ELF1: variants seen among roughly 807,000 people sequenced by gnomAD.
The protein encoded by ELF1 is ETS-related transcription factor Elf-1.
Under a neutral mutation model 59.9 loss-of-function variants are expected in ELF1, and 24 were observed. The observed-to-expected ratio is 0.40, with a 90% CI of 0.29 to 0.56. The LOEUF is 0.56. Among genes scored for constraint, ELF1 ranks in the 20% least tolerant of loss-of-function variants. The probability of loss-of-function intolerance (pLI) is 0.44; values close to 1 mark genes in which losing one functional copy is unlikely to be tolerated. For missense variants in ELF1, 627 were observed against 742.2 expected, an observed-to-expected ratio of 0.84 and a Z score of 1.80; for synonymous variants, 248 against 266.2, an observed-to-expected ratio of 0.93 and a Z score of 0.67.
chr13:40,986,152 T>TA (rs1377301374), intron 1 of ELF1, among the ~76,000 whole-genome samples: 3 of 152,184 alleles, frequency 2.0e-5, no homozygotes, highest in African/African-American at 7.2e-5. Context: ...GCTTTGGAGT[T>TA]AAAGTAAAAT....
intron 3 of ELF1, among the ~76,000 whole-genome samples, chr13:40,954,329 AGGT>A (rs1871057146): frequency 6.6e-6 from 1 of 152,102 alleles, no homozygotes; most frequent in African/African-American, 2.4e-5. Flanking sequence ...GCCTGGTGGG[AGGT>A]GACCGGATCG....
rs955957022 is a variant in ELF1 at position 40,932,914 on chromosome 13, A to G, written c.*511T>C. 2 of 153,484 alleles carry G rather than the reference A, an allele frequency of 1.3e-5. No individual in the cohort carries two copies. Among genetic ancestry groups the G allele is most frequent in the African/African-American group, 4.8e-5 (2 of 41,470 alleles). 9.5% of individuals were successfully genotyped at this position (153,484 alleles called of 1,614,324 possible). ...CACCTCCAATTTTTCATGTTATTCT[A>G]CATATTCATAGTTCTATATTATATA... is the stretch of plus-strand genomic sequence containing the variant. On this transcript the variant is annotated 3_prime_UTR_variant, in exon 9 of 9. Coordinates refer to ENST00000239882, the MANE Select transcript of ELF1 (RefSeq NM_172373.4).
chr13:40,955,222 G>A (rs554214967), intron 3 of ELF1, among the ~76,000 whole-genome samples: 4 of 147,114 alleles, frequency 2.7e-5, no homozygotes, highest in African/African-American at 5.1e-5. Context: ...CAGCCACTCC[G>A]TCTGGGAAGT....
intron 1 of ELF1, among the ~76,000 whole-genome samples, chr13:41,054,689 G>A (rs935315068): frequency 6.6e-6 from 1 of 152,150 alleles, no homozygotes; most frequent in African/African-American, 2.4e-5. Context: ...GAGAGTAGAA[G>A]CAAGGAGAGA....
upstream of ELF1, among the ~76,000 whole-genome samples, chr13:41,019,794 C>T (rs1488374519): frequency 2.6e-5 from 4 of 152,054 alleles, no homozygotes; most frequent in East Asian, 7.7e-4. Flanking sequence ...TCTGGAAAGG[C>T]TAGCAAACTA....
At chr13:40,934,089 A>G in intron 8 of ELF1, 61 bp from the exon 9 acceptor site, 1 of 1,530,672 alleles carries the variant, frequency 6.5e-7, no homozygotes, top group Non-Finnish European at 8.8e-7. Context: ...TTAAAACTTT[A>G]ACACTTGACA....
At chr13:41,012,206 C>T (rs772926270) in intron 1 of ELF1, among the ~76,000 whole-genome samples, 15 of 148,798 alleles carry the variant, frequency 1.0e-4, no homozygotes, top group Admixed American at 4.1e-4. Flanking sequence ...TCAGCTACTT[C>T]GGAGGCCGAG....
intron 2 of ELF1, among the ~76,000 whole-genome samples, chr13:40,971,674 G>C (rs138834125): frequency 2.0e-5 from 3 of 152,194 alleles, no homozygotes; most frequent in Admixed American, 1.3e-4. Flanking sequence ...AAATTCCATT[G>C]CAAATCCTTG....
At chr13:40,955,109 A>C (rs1871155982) in intron 3 of ELF1, among the ~76,000 whole-genome samples, 2 of 148,430 alleles carry the variant, frequency 1.3e-5, no homozygotes, top group Admixed American at 1.3e-4. Flanking sequence ...CCCGTCTGAG[A>C]AGTGAGGAGA....
chr13:41,061,158 C>T (rs1877597138), exon 1 of ELF1: 1 of 196,442 alleles, frequency 5.1e-6, no homozygotes, highest in Admixed American at 5.9e-5. Flanking sequence ...CTCCGCTGGT[C>T]AAAGTGCGTG....
chr13:40,954,717 C>G (rs936929235), intron 3 of ELF1, among the ~76,000 whole-genome samples: 19 of 151,882 alleles, frequency 1.3e-4, no homozygotes, highest in Non-Finnish European at 2.5e-4. Flanking sequence ...CCCGAGGTGC[C>G]GGGATGGCAG....
At chr13:40,977,458 C>T (rs920489394) in intron 2 of ELF1, among the ~76,000 whole-genome samples, 1 of 152,064 alleles carries the variant, frequency 6.6e-6, no homozygotes, top group African/African-American at 2.4e-5. Flanking sequence ...CTGCCATCTC[C>T]ACTCAAGAGT....
upstream of ELF1, among the ~76,000 whole-genome samples, chr13:41,023,244 G>A (rs931337070): frequency 1.1e-4 from 17 of 152,022 alleles, no homozygotes; most frequent in Middle Eastern, 3.2e-3. Context: ...CCTTTTTACT[G>A]TTACCTCTTC....
At chr13:40,971,962 T>C (rs745464414) in intron 2 of ELF1, among the ~76,000 whole-genome samples, 3 of 151,374 alleles carry the variant, frequency 2.0e-5, no homozygotes, top group Non-Finnish European at 2.9e-5. Context: ...GGGGGGGGTA[T>C]AGTAAATTTT....
chr13:40,993,109 C>G (rs1030598374), intron 1 of ELF1: 2 of 1,605,180 alleles, frequency 1.2e-6, no homozygotes, highest in African/African-American at 2.7e-5. Flanking sequence ...AAGACTTCCT[C>G]TGCAGTGGGG....
rs1221775431 is a variant in ELF1 at position 40,943,842 on chromosome 13, C to G, written c.613G>C (p.Gly205Arg). 3 of 1,612,668 alleles carry G rather than the reference C, an allele frequency of 1.9e-6. No homozygotes were observed. The highest frequency in any genetic ancestry group is 2.5e-6 in the Non-Finnish European group (3 of 1,179,088). The change falls in exon 6 of 9, where the codon GGA (glycine) becomes CGA (arginine). Residue 205 changes from glycine to arginine, a missense_variant and splice_region_variant. Gly to Arg is a moderately radical substitution (Grantham distance 125). Transcript: ENST00000239882. ...ACCTATAAGTATTACACAGTAGTAC[C>G]CTTTCCATCTTTGTTTTTCTTCTTC... ...SVKKKNKDGK[G>R]NTIYLWEFLL...
intron 1 of ELF1, among the ~76,000 whole-genome samples, chr13:41,016,774 C>T (rs1321239364): frequency 6.6e-6 from 1 of 150,574 alleles, no homozygotes; most frequent in South Asian, 2.1e-4. Context: ...ATTAGCTGGG[C>T]GTGGTGGCGC....
chr13:40,975,490 CATTTT>C (rs1293043920), intron 2 of ELF1, among the ~76,000 whole-genome samples: 1 of 152,120 alleles, frequency 6.6e-6, no homozygotes, highest in African/African-American at 2.4e-5. Flanking sequence ...TCATTTAACA[CATTTT>C]ATTTATTTAC....
chr13:41,036,169 G>A (rs1435080494), intron 1 of ELF1, among the ~76,000 whole-genome samples: 1 of 151,822 alleles, frequency 6.6e-6, no homozygotes, highest in Non-Finnish European at 1.5e-5. Flanking sequence ...ACCCGTCTCG[G>A]CCTCCCAAAG....
Sources: gnomAD v4.1 joint callset for allele counts (sites outside exome capture counted in the v4.1 genomes callset) on GRCh38, gnomAD v4.1.1 for gene constraint, MANE v1.5 for transcripts, NCBI Gene and HGNC (gene_info 2026-07-23, HGNC 2026-07-21) for gene names.